The following PASK variants were observed in gnomAD, a reference collection of about 807,000 sequenced individuals.
PASK encodes the protein PAS domain-containing serine/threonine-protein kinase.
PASK carries 110 observed loss-of-function variants against 121.0 expected under a neutral mutation model. The ratio of observed to expected loss-of-function variants is 0.91; its 90% CI spans 0.78 to 1.06. The LOEUF (loss-of-function observed/expected upper bound fraction) is 1.06. PASK is among the 50% of genes least tolerant of loss of function. The probability of loss-of-function intolerance (pLI) is 0.00; values close to 1 mark genes in which losing one functional copy is unlikely to be tolerated. For synonymous variants in PASK, 686 were observed against 717.8 expected, an observed-to-expected ratio of 0.96 and a Z score of 0.71; for missense variants, 1,643 against 1,702.3, an observed-to-expected ratio of 0.97 and a Z score of 0.61.
At chr2:241,117,405 G>A (rs892397944) in intron 12 of PASK, among the ~76,000 whole-genome samples, 4 of 152,224 alleles carry the variant, frequency 2.6e-5, no homozygotes, top group Non-Finnish European at 5.9e-5. Flanking sequence ...GAGGGCGGGA[G>A]CCCTGACACT....
chr2:241,130,941 A>C (rs1175015979), intron 9 of PASK, among the ~76,000 whole-genome samples: 3 of 152,196 alleles, frequency 2.0e-5, no homozygotes, highest in Non-Finnish European at 4.4e-5. Flanking sequence ...GTTACATGTG[A>C]GCACACATAT....
chr2:241,138,584 G>A, intron 5 of PASK, 70 bp downstream of exon 5: 4 of 1,542,930 alleles, frequency 2.6e-6, no homozygotes, highest in East Asian at 2.2e-5. Context: ...ACAGGGACCA[G>A]CACTTGCTGA....
Position 241,138,046 on chromosome 2 carries a change from G to A in PASK, c.783C>T (p.His261=), listed in dbSNP as rs771988343. 11 of 1,614,054 alleles carry A rather than the reference G, an allele frequency of 6.8e-6. No individual in the cohort carries two copies. The East Asian group carries it at 1.3e-4, about 20-fold the overall frequency. ...TSCDSLFAHL[H]GYVSGEDVAG... ...CCACGTCCTCCCCAGACACGTACCC[G>A]TGAAGATGAGCAAAGAGACTGTCAC... is the stretch of plus-strand genomic sequence containing the variant. The change falls in exon 6 of 18, where the codon CAC becomes CAT. Residue 261 remains histidine (H), a synonymous_variant. Coordinates refer to ENST00000234040, the MANE Select transcript of PASK (RefSeq NM_015148.4).
Position 241,138,653 on chromosome 2 carries a change from C to A in PASK, c.741+1G>T, listed in dbSNP as rs1252920220. The A allele has an allele frequency of 1.2e-6, 2 of 1,613,972 alleles. No homozygotes were observed. The highest frequency in any genetic ancestry group is 1.7e-5 in the Admixed American group (1 of 60,034). ...GACATGAGGCAAAGTTGCACACTCA[C>A]ATCGCTCTGGAAAGCGACCCAGGTC... On this transcript the variant is annotated splice_donor_variant, in intron 5 of 17. Transcript: ENST00000234040. LOFTEE classifies it high-confidence loss of function.
At position 241,107,580 on chromosome 2, in the gene PASK, C is replaced by A. The variant is rs573098265; in HGVS notation, c.3668-81G>T. On this transcript the variant is annotated intron_variant, in intron 16 of 17. Transcript: ENST00000234040. ...TCTCAGATTCCTGGGTGCTCACCAC[C>A]CCCCCGCAGAGCCTCTGACTGGGCA... 14 of 1,324,856 alleles carry A rather than the reference C, an allele frequency of 1.1e-5. No homozygotes were observed. In the African/African-American group the frequency reaches 2.3e-4, roughly 22 times the overall value. 82.1% of individuals were successfully genotyped at this position (1,324,856 alleles called of 1,614,324 possible).
At chr2:241,133,168 A>G in intron 8 of PASK, 138 bp from the exon 9 acceptor site, 1 of 830,660 alleles carries the variant, frequency 1.2e-6, no homozygotes. Flanking sequence ...CAGGCGTCCC[A>G]GGTCCAACCC....
intron 14 of PASK, among the ~76,000 whole-genome samples, chr2:241,113,068 G>A (rs907437666): frequency 6.6e-6 from 1 of 152,220 alleles, no homozygotes; most frequent in Admixed American, 6.5e-5. Context: ...TTCCCACGGA[G>A]GTGCAGCTGC....
chr2:241,143,576 C>T (rs2066814672), intron 1 of PASK, among the ~76,000 whole-genome samples: 1 of 151,686 alleles, frequency 6.6e-6, no homozygotes, highest in Non-Finnish European at 1.5e-5. Flanking sequence ...AAAAAAGAAG[C>T]TCTTTCCAAG....
intron 9 of PASK, 160 bp from the exon 10 acceptor site, chr2:241,127,611 A>C: frequency 2.9e-6 from 2 of 678,504 alleles, no homozygotes; most frequent in South Asian, 3.2e-5. Context: ...AAAATAAAGC[A>C]CTTAGTCTCA....
chr2:241,113,025 G>C (rs1388560577), intron 14 of PASK, among the ~76,000 whole-genome samples: 1 of 152,212 alleles, frequency 6.6e-6, no homozygotes, highest in East Asian at 1.9e-4. Context: ...CAATGATGCA[G>C]ACTTAAAGCA....
chr2:241,131,150 AT>A (rs58426249), intron 9 of PASK, among the ~76,000 whole-genome samples: 26,135 of 141,628 alleles, frequency 0.18, 2,415 homozygotes, highest in East Asian at 0.43. Context: ...CATGTATTAC[AT>A]TTTTTTTTTT....
At chr2:241,116,257 C>T (rs1374510744) in intron 12 of PASK, among the ~76,000 whole-genome samples, 1 of 152,244 alleles carries the variant, frequency 6.6e-6, no homozygotes, top group Non-Finnish European at 1.5e-5. Flanking sequence ...CCCTAAGTCC[C>T]ACGGACATGA....
At chr2:241,114,963 T>C (rs1291190538) in intron 14 of PASK, 80 bp downstream of exon 14, 5 of 1,611,736 alleles carry the variant, frequency 3.1e-6, no homozygotes, top group Admixed American at 1.7e-5. Context: ...GAACCGAGTA[T>C]GGATCACTGA....
At chr2:241,149,979 C>G, upstream of PASK, 1 of 1,418,822 alleles carries the variant, frequency 7.0e-7, no homozygotes, top group Non-Finnish European at 9.2e-7. Context: ...CGCGCGGGGA[C>G]GCCGGGAGAA....
At chr2:241,135,767 T>C (rs1575319889) in intron 8 of PASK, 104 bp downstream of exon 8, 1 of 1,125,598 alleles carries the variant, frequency 8.9e-7, no homozygotes, top group Non-Finnish European at 1.3e-6. Context: ...CCTGAGCCTC[T>C]GGAGGGACAA....
At chr2:241,145,729 G>C (rs2066923875) in intron 1 of PASK, 1 of 150,596 alleles carries the variant, frequency 6.6e-6, no homozygotes, top group Non-Finnish European at 1.5e-5. Flanking sequence ...AAAAAAATTA[G>C]CTGAGCATGG....
intron 12 of PASK, among the ~76,000 whole-genome samples, chr2:241,119,630 C>T (rs1367751266): frequency 3.3e-5 from 5 of 152,246 alleles, no homozygotes; most frequent in Admixed American, 6.5e-5. Context: ...CCACCACGCC[C>T]GGCTAATTTT....
intron 10 of PASK, among the ~76,000 whole-genome samples, chr2:241,125,625 A>T (rs1410022172): frequency 2.1e-5 from 3 of 143,308 alleles, no homozygotes; most frequent in Non-Finnish European, 4.5e-5. Context: ...AAAAAAAAAA[A>T]GAAATGAAAA....
intron 12 of PASK, 82 bp downstream of exon 12, chr2:241,122,650 C>T (rs2065664401): frequency 7.3e-7 from 1 of 1,378,072 alleles, no homozygotes; most frequent in South Asian, 1.2e-5. Context: ...CTCCAAAAAC[C>T]CCAGGTTTGA....
Sources: allele counts gnomAD v4.1 joint callset (sites outside exome capture counted in the v4.1 genomes callset), GRCh38; gene constraint gnomAD v4.1.1; transcripts MANE v1.5; gene names NCBI Gene and HGNC (gene_info 2026-07-23, HGNC 2026-07-21).